Variants in ABCA9 observed in about 807,000 individuals in gnomAD.
ABCA9 encodes ATP-binding cassette sub-family A member 9.
Under a neutral mutation model 205.3 loss-of-function variants are expected in ABCA9, and 183 were observed. The observed-to-expected ratio is 0.89, with a 90% CI of 0.79 to 1.01. The LOEUF is 1.01. ABCA9 is among the 50% of genes least tolerant of loss of function. The pLI, the probability that ABCA9 is intolerant of heterozygous loss-of-function variation, is 0.00. For synonymous variants in ABCA9, 651 were observed against 683.3 expected, an observed-to-expected ratio of 0.95 and a Z score of 0.74; for missense variants, 1,805 against 1,912.4, an observed-to-expected ratio of 0.94 and a Z score of 1.05.
intron 31 of ABCA9, chr17:68,986,630 T>C: frequency 4.2e-6 from 1 of 239,696 alleles, no homozygotes; most frequent in Non-Finnish European, 7.9e-6. Context: ...TTCAAAGGAA[T>C]AGATACTTGT....
chr17:69,049,131 CA>C (rs34307303), intron 3 of ABCA9, 151 bp downstream of exon 3: 7 of 848,594 alleles, frequency 8.2e-6, no homozygotes, highest in Non-Finnish European at 1.2e-5. Flanking sequence ...GAACAAACTA[CA>C]AAAAATTTTG....
chr17:69,012,615 G>C (rs2070422388), intron 22 of ABCA9, among the ~76,000 whole-genome samples: 1 of 152,040 alleles, frequency 6.6e-6, no homozygotes, highest in Admixed American at 6.6e-5. Flanking sequence ...TGGGTACATA[G>C]TAGATGTATA....
rs1388639229 is a variant in ABCA9 at position 69,042,707 on chromosome 17, G to T, written c.800+782C>A. ...TATTGGCAAACATCTACAGGATAAG[G>T]CTGTCTTTAAGTCAAATAAATTTGG... On this transcript the variant is annotated intron_variant, in intron 6 of 38. Coordinates refer to ENST00000340001, the MANE Select transcript of ABCA9 (RefSeq NM_080283.4). The T allele has an allele frequency of 2.0e-5, 3 of 152,232 alleles. No individual in the cohort carries two copies. In the East Asian group the frequency reaches 5.8e-4, roughly 29 times the overall value. 9.4% of individuals were successfully genotyped at this position (152,232 alleles called of 1,614,324 possible).
At position 68,981,561 on chromosome 17, in the gene ABCA9, C is replaced by G. The variant is rs117517579; in HGVS notation, c.4720+1001G>C. 1.4e-4 allele frequency among the ~76,000 whole-genome samples: 21 copies of G among 152,220 alleles called. 1 individual carries two copies. The East Asian group carries it at 3.7e-3, about 27-fold the overall frequency. ...TAGACCACAGGGTGAGGTTGACCAA[C>G]AGGATGAGAAAGTGAAACAAAAACC... On this transcript the variant is annotated intron_variant, in intron 37 of 38. Transcript: ENST00000340001.
the ABCA9 span, chr17:69,078,801 A>G: frequency 2.2e-6 from 1 of 445,948 alleles, no homozygotes. Flanking sequence ...GTTTGCTATC[A>G]CCCCTATGTT....
At chr17:69,060,667 G>A (rs540328750) in intron 1 of ABCA9, among the ~76,000 whole-genome samples, 199 bp downstream of exon 1, 31 of 152,192 alleles carry the variant, frequency 2.0e-4, no homozygotes, top group Non-Finnish European at 4.1e-4. Context: ...TTTTAGTTAC[G>A]GGGTAAAAAT....
intron 6 of ABCA9, among the ~76,000 whole-genome samples, chr17:69,037,941 T>C (rs1392567201): frequency 1.3e-5 from 2 of 152,012 alleles, no homozygotes; most frequent in Non-Finnish European, 2.9e-5. Flanking sequence ...AATAAACACC[T>C]CTACGCAAAT....
intron 25 of ABCA9, among the ~76,000 whole-genome samples, chr17:68,997,954 A>G (rs2069690616): frequency 1.3e-5 from 2 of 152,114 alleles, no homozygotes; most frequent in African/African-American, 4.8e-5. Flanking sequence ...CTCACTCCCT[A>G]TGACCCCTGG....
Position 69,003,624 on chromosome 17 carries a change from T to G in ABCA9, c.3435+4135A>C, listed in dbSNP as rs554773852. On this transcript the variant is annotated intron_variant, in intron 25 of 38. Transcript: ENST00000340001. Reference sequence around the variant, plus strand: ...GAGTTGCTCTTCTCGAGGAGTATCTTTGTGGCGTTCTCTGTATTTCCTGAA... The same window carrying G: ...GAGTTGCTCTTCTCGAGGAGTATCTGTGTGGCGTTCTCTGTATTTCCTGAA... Among the ~76,000 whole-genome samples the G allele has an allele frequency of 7.0e-4, 104 of 147,550 alleles. 2 individuals are homozygous for G. The South Asian group carries it at 0.018, about 26-fold the overall frequency.
At chr17:69,027,294 C>A (rs1051825994) in intron 14 of ABCA9, 36 bp downstream of exon 14, 68 of 1,603,126 alleles carry the variant, frequency 4.2e-5, no homozygotes, top group Non-Finnish European at 5.5e-5. Flanking sequence ...TTATAGTCTT[C>A]AATCTGATTT....
upstream of ABCA9, among the ~76,000 whole-genome samples, chr17:69,062,596 T>C (rs9910224): frequency 0.07 from 10,652 of 152,154 alleles, 967 homozygotes; most frequent in African/African-American, 0.2. Flanking sequence ...ATGGAACCTC[T>C]GCCTCCCAGG....
the ABCA9 span, among the ~76,000 whole-genome samples, chr17:69,075,471 A>G: frequency 8.6e-3 from 1,308 of 152,106 alleles, 13 homozygotes; most frequent in African/African-American, 0.03. Context: ...TTGCTAGCTA[A>G]CTATCCTAGG....
At chr17:68,999,331 G>C (rs2144097229) in intron 25 of ABCA9, among the ~76,000 whole-genome samples, 2 of 131,272 alleles carry the variant, frequency 1.5e-5, no homozygotes, top group East Asian at 4.4e-4. Context: ...CTGTGTCCAT[G>C]TGATCTCATT....
chr17:69,022,074 C>T lies in ABCA9; in HGVS notation c.2282-213G>A, dbSNP rs140586861. ...TAATCTAAACATTTATTTTTTCACT[C>T]TTAGGAAACTACCTATGTGTTTTTT... On this transcript the variant is annotated intron_variant, in intron 17 of 38. Transcript: ENST00000340001. 814 of 274,854 alleles carry T rather than the reference C, an allele frequency of 3.0e-3. 5 individuals carry two copies. Among genetic ancestry groups the T allele is most frequent in the African/African-American group, 0.016 (714 of 45,548 alleles). 17.0% of individuals were successfully genotyped at this position (274,854 alleles called of 1,614,324 possible).
Position 68,992,280 on chromosome 17 carries a change from AAGAC to A in ABCA9, c.3625-18_3625-15del. ...ATGAAGGTAAGGCTAGGGAAAAAGA[AAGAC>A]AATCACAATTAGTATCACTATAAAT... is the stretch of plus-strand genomic sequence containing the variant. On this transcript the variant is annotated splice_polypyrimidine_tract_variant and intron_variant, in intron 27 of 38. Transcript: ENST00000340001. The A allele has an allele frequency of 6.7e-7, 1 of 1,493,002 alleles. No individual in the cohort carries two copies. The highest frequency in any genetic ancestry group is 9.2e-7 in the Non-Finnish European group (1 of 1,088,326). The allele number at this position is 1,493,002 out of a possible 1,614,324, so 92.5% of individuals were successfully genotyped here. A position where few individuals can be genotyped will look rare whatever the true frequency, so the allele number is the denominator to read the frequency against.
Position 68,983,828 on chromosome 17 carries a change from G to A in ABCA9, c.4521C>T (p.His1507=), listed in dbSNP as rs779363192. ...AGTCTTTGCCAAATTTGCTTTTCAG[G>A]TGTTGGATGGAACCAATACATCTGA... is the stretch of plus-strand genomic sequence containing the variant. ...GRLRCIGSIQ[H]LKSKFGKDYL... is the part of the protein sequence containing the mutation. The change falls in exon 36 of 39, where the codon CAC becomes CAT. Residue 1507 remains histidine (H), a synonymous_variant. Transcript: ENST00000340001. 4.3e-6 allele frequency: 7 copies of A among 1,614,044 alleles called. No individual in the cohort carries two copies. The highest frequency in any genetic ancestry group is 2.5e-6 in the Non-Finnish European group (3 of 1,180,044).
intron 28 of ABCA9, 47 bp from the exon 29 acceptor site, chr17:68,991,004 T>G: frequency 6.3e-7 from 1 of 1,580,394 alleles, no homozygotes; most frequent in Non-Finnish European, 8.6e-7. Context: ...GTTAAAAATC[T>G]TGTATCAAAA....
chr17:69,023,639 G>T lies in ABCA9; in HGVS notation c.2281+575C>A, dbSNP rs752964481. 2.0e-5 allele frequency among the ~76,000 whole-genome samples: 3 copies of T among 152,156 alleles called. No individual in the cohort carries two copies. The highest frequency in any genetic ancestry group is 2.9e-5 in the Non-Finnish European group (2 of 68,032). ...CTTAAGAAGCATTCTACCTCAAAAC[G>T]CTTAGGAAGTGAAACAGTGCATTGG... On this transcript the variant is annotated intron_variant, in intron 17 of 38. Transcript: ENST00000340001. This position sits in a 1 kb window ranked among gnomAD's most constrained non-coding sequence, Gnocchi z 4.2.
rs147022089 is a variant in ABCA9, at chr17:68,992,375, T to C, written c.3625-109A>G. On this transcript the variant is annotated intron_variant, in intron 27 of 38. Coordinates refer to ENST00000340001, the MANE Select transcript of ABCA9 (RefSeq NM_080283.4). ...TATATAAAAATTCGATTTGATAGCA[T>C]TCATTTTTACAAGGCTGAAAGACAA... The C allele has an allele frequency of 1.1e-3, 785 of 694,112 alleles. 5 individuals carry two copies. The African/African-American group carries it at 0.012, about 10-fold the overall frequency. The allele number at this position is 694,112 out of a possible 1,614,324, so 43.0% of individuals were successfully genotyped here.
Sources: allele counts gnomAD v4.1 joint callset (sites outside exome capture counted in the v4.1 genomes callset), GRCh38; gene constraint gnomAD v4.1.1; non-coding constraint Gnocchi (gnomAD v3.1); transcripts MANE v1.5; gene names NCBI Gene and HGNC (gene_info 2026-07-23, HGNC 2026-07-21).